Variants in MACROH2A2 observed in about 807,000 individuals in gnomAD.
MACROH2A2 encodes macroH2A.2 histone.
MACROH2A2 carries 6 observed loss-of-function variants against 37.6 expected under a neutral mutation model. That is an observed-to-expected ratio of 0.16 (90% CI 0.09 to 0.32). MACROH2A2 has a LOEUF of 0.32. Among genes scored for constraint, MACROH2A2 ranks in the 10% least tolerant of loss-of-function variants. MACROH2A2 has a pLI of 1.00. For missense variants in MACROH2A2, 290 were observed against 485.9 expected, an observed-to-expected ratio of 0.60 and a Z score of 3.79; for synonymous variants, 192 against 202.7, an observed-to-expected ratio of 0.95 and a Z score of 0.45.
intron 1 of MACROH2A2, among the ~76,000 whole-genome samples, chr10:70,055,035 C>T (rs2072006166): frequency 6.6e-6 from 1 of 152,172 alleles, no homozygotes; most frequent in Non-Finnish European, 1.5e-5. Context: ...GACCCTACTC[C>T]CTCACCATTC....
intron 6 of MACROH2A2, chr10:70,098,620 T>C (rs2072289363): frequency 6.6e-6 from 1 of 152,232 alleles, no homozygotes; most frequent in African/African-American, 2.4e-5. Flanking sequence ...CCTCCTGGCA[T>C]CATAAAACAT....
chr10:70,089,535 T>C (rs1361288658), intron 2 of MACROH2A2, among the ~76,000 whole-genome samples: 3 of 152,088 alleles, frequency 2.0e-5, no homozygotes, highest in Non-Finnish European at 4.4e-5. Flanking sequence ...TTTGGCCAAA[T>C]ATTGGTCACA....
At chr10:70,110,041 C>T (rs1026544291) in intron 8 of MACROH2A2, among the ~76,000 whole-genome samples, 4 of 152,176 alleles carry the variant, frequency 2.6e-5, no homozygotes, top group Non-Finnish European at 4.4e-5. Context: ...CTGCTGTAAT[C>T]ACACATCAAC....
chr10:70,091,765 A>T lies in MACROH2A2; in HGVS notation c.288A>T (p.Lys96Asn), dbSNP rs149096558. The stretch of plus-strand genomic sequence containing the variant: ...TGCATTTCTCTCTTCAGCTGCTAAA[A>T]GGAGTGACCATCGCCAGTGGAGGCG... The part of the protein sequence containing the change: ...ANDEELNQLL[K>N]GVTIASGGVL... The change falls in exon 4 of 9, where the codon AAA becomes AAT. Residue 96 changes from lysine to asparagine, a missense_variant. Transcript: ENST00000373255. The T allele has an allele frequency of 1.9e-6, 3 of 1,613,392 alleles. No homozygotes were observed. In the African/African-American group the frequency reaches 4.0e-5, roughly 22 times the overall value.
chr10:70,108,616 A>C (rs925121970), intron 7 of MACROH2A2, among the ~76,000 whole-genome samples: 7 of 152,162 alleles, frequency 4.6e-5, no homozygotes, highest in African/African-American at 1.7e-4. Flanking sequence ...CACATCTGCA[A>C]AGTCCTTTTT....
chr10:70,094,960 G>C (rs1172354576), intron 5 of MACROH2A2, among the ~76,000 whole-genome samples: 5 of 152,190 alleles, frequency 3.3e-5, no homozygotes, highest in African/African-American at 9.7e-5. Flanking sequence ...GATGCTGAGG[G>C]GAGAAGAGAG....
intron 7 of MACROH2A2, among the ~76,000 whole-genome samples, chr10:70,106,901 T>C (rs1365044124): frequency 6.6e-6 from 1 of 151,954 alleles, no homozygotes; most frequent in Non-Finnish European, 1.5e-5. Flanking sequence ...CAGCCATGAC[T>C]GTAACAAGCC....
At chr10:70,068,840 T>C (rs1002644830) in intron 1 of MACROH2A2, among the ~76,000 whole-genome samples, 4 of 152,216 alleles carry the variant, frequency 2.6e-5, no homozygotes, top group Non-Finnish European at 5.9e-5. Context: ...CTCTGACATC[T>C]ATTTGAAACT....
At chr10:70,094,338 TAAAC>T (rs2072262584) in intron 5 of MACROH2A2, among the ~76,000 whole-genome samples, 1 of 152,200 alleles carries the variant, frequency 6.6e-6, no homozygotes, top group Non-Finnish European at 1.5e-5. Context: ...CTTTAGAAAG[TAAAC>T]AAACAGGGCT....
intron 2 of MACROH2A2, among the ~76,000 whole-genome samples, chr10:70,088,199 T>TCACA (rs140293188): frequency 6.9e-6 from 1 of 144,588 alleles, no homozygotes; most frequent in South Asian, 2.2e-4. Context: ...GCCTGCACAC[T>TCACA]CACACACACA....
In MACROH2A2 at chr10:70,053,119, C is replaced by T. The variant is rs186882496; in HGVS notation, c.-60+119C>T. The T allele has an allele frequency of 2.0e-5, 3 of 152,420 alleles. No individual in the cohort carries two copies. The highest frequency in any genetic ancestry group is 7.2e-5 in the African/African-American group (3 of 41,598). The allele number at this position is 152,420 out of a possible 1,614,324, so 9.4% of individuals were successfully genotyped here. On this transcript the variant is annotated intron_variant, in intron 1 of 8. Coordinates refer to ENST00000373255, the MANE Select transcript of MACROH2A2 (RefSeq NM_018649.3). This position sits in a 1 kb window ranked among gnomAD's most constrained non-coding sequence, Gnocchi z 4.8. Reference sequence around the variant, plus strand: ...CCACCTCTGCCTCTCCCCCGAGCCCCTGCGGGCGCACCCTCGATAGCCGAC... The same window carrying T: ...CCACCTCTGCCTCTCCCCCGAGCCCTTGCGGGCGCACCCTCGATAGCCGAC...
At chr10:70,095,547 C>T in intron 5 of MACROH2A2, 107 bp from the exon 6 acceptor site, 2 of 650,110 alleles carry the variant, frequency 3.1e-6, no homozygotes, top group East Asian at 2.8e-5. Flanking sequence ...CCTATGTTGA[C>T]ATTGGGTATG....
At chr10:70,077,863 G>C in intron 2 of MACROH2A2, among the ~76,000 whole-genome samples, 1 of 152,222 alleles carries the variant, frequency 6.6e-6, no homozygotes, top group East Asian at 1.9e-4. Context: ...ACTTTGAGAA[G>C]AGTTTATGAG....
In MACROH2A2 at chr10:70,090,958, G is replaced by A. The variant is rs2072241336; in HGVS notation, c.279+792G>A. Among the ~76,000 whole-genome samples, 7 of 152,332 alleles carry A rather than the reference G, an allele frequency of 4.6e-5. 1 individual carries two copies. The South Asian group carries it at 1.4e-3, about 32-fold the overall frequency. On this transcript the variant is annotated intron_variant, in intron 3 of 8. Coordinates refer to ENST00000373255, the MANE Select transcript of MACROH2A2 (RefSeq NM_018649.3). ...GGTTTCGAATCTGCAGAATATATTA[G>A]TGGAGTAGTACGTGTCTGTTCTTTG...
In MACROH2A2 at chr10:70,081,028, G is replaced by A. The variant is rs1013195261; in HGVS notation, c.172+5198G>A. Among the ~76,000 whole-genome samples, 4 of 137,690 alleles carry A rather than the reference G, an allele frequency of 2.9e-5. 1 individual carries two copies. In the South Asian group the frequency reaches 9.2e-4, roughly 32 times the overall value. The allele number at this position is 137,690 out of a possible 152,430, so 90.3% of individuals were successfully genotyped here. A position where few individuals can be genotyped will look rare whatever the true frequency, so the allele number is the denominator to read the frequency against. ...AGCAGTGAGCTATGATTCTACCACT[G>A]CACTCCTCAGCCTGGGTGACCAAGC... is the stretch of plus-strand genomic sequence containing the variant. On this transcript the variant is annotated intron_variant, in intron 2 of 8. Coordinates refer to ENST00000373255, the MANE Select transcript of MACROH2A2 (RefSeq NM_018649.3).
chr10:70,057,950 G>A (rs2136614290), intron 1 of MACROH2A2, among the ~76,000 whole-genome samples: 1 of 152,238 alleles, frequency 6.6e-6, no homozygotes, highest in African/African-American at 2.4e-5. Context: ...CCACACAAGG[G>A]ACTCCAGGCC....
rs1262855614 is a variant in MACROH2A2, at chr10:70,107,917, A to AT, written c.779-1110dup. Among the ~76,000 whole-genome samples, 2 of 152,142 alleles carry AT rather than the reference A, an allele frequency of 1.3e-5. No individual in the cohort carries two copies. The highest frequency in any genetic ancestry group is 2.4e-5 in the African/African-American group (1 of 41,446). On this transcript the variant is annotated intron_variant, in intron 7 of 8. Coordinates refer to ENST00000373255, the MANE Select transcript of MACROH2A2 (RefSeq NM_018649.3). This position sits in a 1 kb window ranked among gnomAD's most constrained non-coding sequence, Gnocchi z 4.4. ...GACTCTGTGGGGCCCAGGCACAGCT[A>AT]TTTTTTAAAAGCCACAGTAGGCCAG...
intron 2 of MACROH2A2, among the ~76,000 whole-genome samples, chr10:70,078,716 A>C (rs1315260156): frequency 2.6e-5 from 4 of 152,214 alleles, no homozygotes; most frequent in Non-Finnish European, 5.9e-5. Context: ...ATAAATGACT[A>C]ATTCCATTAA....
At chr10:70,098,898 A>G (rs2072291317) in intron 6 of MACROH2A2, 1 of 152,010 alleles carries the variant, frequency 6.6e-6, no homozygotes, top group South Asian at 2.1e-4. Context: ...GAGAGAAACT[A>G]CCTCTCTCCA....
Sources: gnomAD v4.1 joint callset for allele counts (sites outside exome capture counted in the v4.1 genomes callset) on GRCh38, gnomAD v4.1.1 for gene constraint, Gnocchi (gnomAD v3.1) non-coding constraint, MANE v1.5 for transcripts, NCBI Gene and HGNC (gene_info 2026-07-23, HGNC 2026-07-21) for gene names.